Variants in PC observed in about 807,000 individuals in gnomAD.
The protein encoded by PC is pyruvate carboxylase, mitochondrial.
A neutral mutation model predicts 107.8 loss-of-function variants in PC; 46 were observed. The ratio of observed to expected loss-of-function variants is 0.43; its 90% CI spans 0.34 to 0.55. PC has a LOEUF of 0.55. Among genes scored for constraint, PC ranks in the 20% least tolerant of loss-of-function variants. The pLI is 0.04. For synonymous variants in PC, 662 were observed against 684.7 expected (o/e 0.97, Z 0.52); for missense variants, 1,241 against 1,643.1 (o/e 0.76, Z 4.23).
intron 3 of PC, among the ~76,000 whole-genome samples, chr11:66,915,687 A>G (rs926966367): frequency 5.3e-5 from 8 of 152,066 alleles, no homozygotes; most frequent in Non-Finnish European, 1.2e-4. Flanking sequence ...CAGGGGAGGG[A>G]CCACAGGCCT....
chr11:66,932,265 G>A (rs1232883144), intron 3 of PC, among the ~76,000 whole-genome samples: 5 of 151,880 alleles, frequency 3.3e-5, no homozygotes, highest in African/African-American at 7.3e-5. Flanking sequence ...TTGGATTACC[G>A]CTTGGTAACC....
At chr11:66,863,700 T>C (rs1946370866) in intron 12 of PC, 74 bp downstream of exon 12, 1 of 1,481,612 alleles carries the variant, frequency 6.7e-7, no homozygotes, top group African/African-American at 1.4e-5. Context: ...GCAAGGCCCT[T>C]GGTGGGGAAG....
chr11:66,907,513 C>T (rs896494482), intron 3 of PC, among the ~76,000 whole-genome samples: 2 of 152,106 alleles, frequency 1.3e-5, no homozygotes, highest in Non-Finnish European at 2.9e-5. Flanking sequence ...GATGACAAAG[C>T]GAGACTCAAA....
At chr11:66,911,959 G>A (rs1005378673) in intron 3 of PC, among the ~76,000 whole-genome samples, 2 of 151,730 alleles carry the variant, frequency 1.3e-5, no homozygotes, top group Non-Finnish European at 2.9e-5. Context: ...CTCGAACCCA[G>A]GAGGCAGAGG....
intron 3 of PC, among the ~76,000 whole-genome samples, chr11:66,900,975 C>A (rs1947936460): frequency 1.3e-5 from 2 of 152,098 alleles, no homozygotes; most frequent in African/African-American, 4.8e-5. Context: ...TTCTTTATTT[C>A]CTTATCTTTC....
intron 3 of PC, among the ~76,000 whole-genome samples, chr11:66,883,506 T>G (rs1947256813): frequency 6.6e-6 from 1 of 152,148 alleles, no homozygotes; most frequent in Non-Finnish European, 1.5e-5. Flanking sequence ...TCTGTCCTTG[T>G]CTGTGCCCCA....
At chr11:66,879,112 C>G (rs1014980003) in intron 3 of PC, among the ~76,000 whole-genome samples, 3 of 152,218 alleles carry the variant, frequency 2.0e-5, no homozygotes, top group African/African-American at 7.2e-5. Context: ...GAGGAAGCCC[C>G]CGGCCCCACA....
At position 66,849,070 on chromosome 11, in the gene PC, G is replaced by C; in HGVS notation, c.3366C>G (p.Asp1122Glu). The change falls in exon 23 of 23, where the codon GAC (aspartate) becomes GAG (glutamate). Residue 1122 changes from aspartate to glutamate, a missense_variant. Asp to Glu is a conservative substitution (Grantham distance 45, BLOSUM62 2). This residue lies in a region of PC where 98 missense variants were observed against 91.2 expected (regional missense o/e 1.07). Transcript: ENST00000393960. Reference sequence around the variant, plus strand: ...CCTTGGCCCCTGCCACCACTTTGATGTCTATCACCTTCCCAGGCATGGGCG... The same window carrying C: ...CCTTGGCCCCTGCCACCACTTTGATCTCTATCACCTTCCCAGGCATGGGCG... The part of the protein sequence containing the change: ...IGAPMPGKVI[D>E]IKVVAGAKVA... 6.2e-7 allele frequency: 1 copy of C among 1,614,116 alleles called. No individual in the cohort carries two copies.
chr11:66,957,958 C>G (rs1200400238), intron 1 of PC: 2 of 152,252 alleles, frequency 1.3e-5, no homozygotes, highest in African/African-American at 2.4e-5. Flanking sequence ...TTCGAACCCT[C>G]AGGGACCTCG....
intron 3 of PC, among the ~76,000 whole-genome samples, chr11:66,908,343 T>A (rs1948229504): frequency 6.6e-6 from 1 of 152,092 alleles, no homozygotes; most frequent in Non-Finnish European, 1.5e-5. Context: ...TGGGCCTGTC[T>A]CCCCACAGGG....
chr11:66,850,615 G>A, intron 18 of PC, 59 bp downstream of exon 18: 1 of 1,602,062 alleles, frequency 6.2e-7, no homozygotes, highest in Non-Finnish European at 8.5e-7. Context: ...AACACTACTG[G>A]GACTGGTGGT....
intron 3 of PC, among the ~76,000 whole-genome samples, chr11:66,897,684 A>G (rs1027477646): frequency 6.6e-6 from 1 of 152,210 alleles, no homozygotes; most frequent in African/African-American, 2.4e-5. Flanking sequence ...TTCCCAACCC[A>G]GGACCAGAGT....
At chr11:66,879,260 C>T (rs1041867310) in intron 3 of PC, among the ~76,000 whole-genome samples, 1 of 152,226 alleles carries the variant, frequency 6.6e-6, no homozygotes, top group Non-Finnish European at 1.5e-5. Context: ...GACCATGCAC[C>T]CAATGCTTAG....
chr11:66,878,598 A>G (rs754965307), intron 3 of PC, among the ~76,000 whole-genome samples: 1 of 152,142 alleles, frequency 6.6e-6, no homozygotes, highest in Non-Finnish European at 1.5e-5. Context: ...CTTGGTGGGT[A>G]AAGGATTCCT....
At chr11:66,868,061 A>G (rs1430186599) in intron 10 of PC, among the ~76,000 whole-genome samples, 1 of 152,248 alleles carries the variant, frequency 6.6e-6, no homozygotes, top group Non-Finnish European at 1.5e-5. Context: ...GATTTTGAAA[A>G]TGTCATCCTC....
intron 3 of PC, among the ~76,000 whole-genome samples, chr11:66,946,805 A>C (rs971407829): frequency 6.6e-6 from 1 of 152,112 alleles, no homozygotes; most frequent in Non-Finnish European, 1.5e-5. Context: ...AAAAACATGT[A>C]ACTGAGTAGT....
At chr11:66,863,073 G>A (rs1005754476) in intron 12 of PC, among the ~76,000 whole-genome samples, 5 of 152,190 alleles carry the variant, frequency 3.3e-5, no homozygotes, top group Non-Finnish European at 7.4e-5. Context: ...CAGGCACGGT[G>A]GCTCACACCT....
chr11:66,884,552 T>C (rs1286334631), intron 3 of PC, among the ~76,000 whole-genome samples: 2 of 152,150 alleles, frequency 1.3e-5, no homozygotes, highest in Non-Finnish European at 1.5e-5. Context: ...CCCATACATA[T>C]TGATTAGAGC....
rs1945938969 is a variant in PC, at chr11:66,857,543, A to G, written c.1369-4160T>C. 2.1e-5 allele frequency: 12 copies of G among 580,262 alleles called. No individual in the cohort carries two copies. The East Asian group carries it at 3.4e-4, about 17-fold the overall frequency. 35.9% of individuals were successfully genotyped at this position (580,262 alleles called of 1,614,324 possible). On this transcript the variant is annotated intron_variant, in intron 12 of 22. Transcript: ENST00000393960. This position sits in a 1 kb window ranked among gnomAD's most constrained non-coding sequence, Gnocchi z 7.1. ...GGACTCCCCCTTAACTGCTTGGGAA[A>G]TGTGACCTTTGCTCTGGGGGGCCTG...
Sources: gnomAD v4.1 joint callset for allele counts (sites outside exome capture counted in the v4.1 genomes callset) on GRCh38, gnomAD v4.1.1 for gene constraint, gnomAD v4.1.1 regional missense constraint, Gnocchi (gnomAD v3.1) non-coding constraint, MANE v1.5 for transcripts, NCBI Gene and HGNC (gene_info 2026-07-23, HGNC 2026-07-21) for gene names.